ZNF569: variants seen among roughly 807,000 people sequenced by gnomAD.
ZNF569 encodes the protein zinc finger protein 569.
In ZNF569, 38 loss-of-function variants were observed where a neutral mutation model predicts 56.3. The observed-to-expected ratio is 0.68, with a 90% CI of 0.52 to 0.88. The LOEUF is 0.88. Among genes scored for constraint, ZNF569 ranks in the 40% least tolerant of loss-of-function variants. The probability of loss-of-function intolerance (pLI) is 0.00; values close to 1 mark genes in which losing one functional copy is unlikely to be tolerated. For synonymous variants in ZNF569, 241 were observed against 262.9 expected, an observed-to-expected ratio of 0.92 and a Z score of 0.81; for missense variants, 666 against 809.2, an observed-to-expected ratio of 0.82 and a Z score of 2.15.
Position 37,444,952 on chromosome 19 carries a change from T to C in ZNF569, c.-31A>G. On this transcript the variant is annotated 5_prime_UTR_variant, in exon 3 of 6. Transcript: ENST00000316950. ...CTTCTTTCTGGGAAGGGATGGGGCC[T>C]GCAGAAGTAGAGCTGGGGAAGAGAA... 6.2e-7 allele frequency: 1 copy of C among 1,604,494 alleles called. No homozygotes were observed. The highest frequency in any genetic ancestry group is 8.5e-7 in the Non-Finnish European group (1 of 1,176,414).
chr19:37,453,642 G>A, intron 2 of ZNF569, among the ~76,000 whole-genome samples: 1 of 151,914 alleles, frequency 6.6e-6, no homozygotes, highest in Non-Finnish European at 1.5e-5. Context: ...TTTATTTTTA[G>A]TTTCCAGCAG....
At chr19:37,457,911 G>A (rs1039538221) in intron 2 of ZNF569, among the ~76,000 whole-genome samples, 3 of 151,828 alleles carry the variant, frequency 2.0e-5, no homozygotes, top group African/African-American at 7.3e-5. Flanking sequence ...ACAGAGTCTC[G>A]CTCTGTTGCC....
chr19:37,468,068 C>T (rs1176801865), upstream of ZNF569: 5 of 655,256 alleles, frequency 7.6e-6, no homozygotes, highest in East Asian at 6.1e-5. Flanking sequence ...CTATGCCTTT[C>T]GTGTTTTTTT....
chr19:37,426,168 AG>A (rs2041128487), intron 4 of ZNF569, 83 bp downstream of exon 4: 1 of 1,462,630 alleles, frequency 6.8e-7, no homozygotes, highest in Non-Finnish European at 9.2e-7. Context: ...AATATTTAAA[AG>A]GTCCATGTAT....
chr19:37,434,959 C>G (rs764288660), intron 3 of ZNF569, among the ~76,000 whole-genome samples: 1 of 152,126 alleles, frequency 6.6e-6, no homozygotes, highest in African/African-American at 2.4e-5. Flanking sequence ...AAATAAACAG[C>G]CTTGCTGCTC....
Position 37,457,470 on chromosome 19 carries a change from T to A in ZNF569, c.-44+7843A>T, listed in dbSNP as rs185279090. 2.0e-5 allele frequency among the ~76,000 whole-genome samples: 3 copies of A among 152,244 alleles called. No individual in the cohort carries two copies. The East Asian group carries it at 5.8e-4, about 29-fold the overall frequency. On this transcript the variant is annotated intron_variant, in intron 2 of 5. Coordinates refer to ENST00000316950, the MANE Select transcript of ZNF569 (RefSeq NM_152484.3). ...GAATGTGGAATTGGTATATAATGTT[T>A]AAGAATAAACAAAATAACCATGGAA...
At chr19:37,445,927 C>T (rs1223961296) in intron 2 of ZNF569, among the ~76,000 whole-genome samples, 1 of 147,348 alleles carries the variant, frequency 6.8e-6, no homozygotes, top group African/African-American at 2.6e-5. Context: ...CATCATTCTA[C>T]ACAGAACTAG....
chr19:37,441,559 C>CT (rs1363846537), intron 3 of ZNF569, among the ~76,000 whole-genome samples: 3 of 151,904 alleles, frequency 2.0e-5, no homozygotes, highest in Non-Finnish European at 4.4e-5. Context: ...ACTTGGGTAG[C>CT]TGAAGGCGGG....
chr19:37,443,799 G>C (rs1403638235), intron 3 of ZNF569, among the ~76,000 whole-genome samples: 1 of 150,746 alleles, frequency 6.6e-6, no homozygotes, highest in Non-Finnish European at 1.5e-5. Flanking sequence ...TTGAGGTCAA[G>C]AGCTTGAGAC....
At position 37,414,347 on chromosome 19, in the gene ZNF569, T is replaced by C. The variant is rs201465276; in HGVS notation, c.311A>G (p.Gln104Arg). The change falls in exon 6 of 6, where the codon CAG becomes CGG. Residue 104 changes from glutamine (Q) to arginine (R), a missense_variant. Gln to Arg is a conservative substitution (Grantham distance 43). Transcript: ENST00000316950. ...RLLRQVEVKF[Q>R]KTLTEEKGNE... ...GCCTTTTTCTTCAGTCAGTGTTTTCTGGAATTTAACTTCAACTTGTCTCAA... is the reference window on the plus strand; with the variant it reads ...GCCTTTTTCTTCAGTCAGTGTTTTCCGGAATTTAACTTCAACTTGTCTCAA... The C allele has an allele frequency of 6.2e-7, 1 of 1,612,758 alleles. No homozygotes were observed. The highest frequency in any genetic ancestry group is 1.7e-5 in the Admixed American group (1 of 59,802).
At chr19:37,437,522 A>T (rs1192942729) in intron 3 of ZNF569, among the ~76,000 whole-genome samples, 1 of 152,182 alleles carries the variant, frequency 6.6e-6, no homozygotes, top group Non-Finnish European at 1.5e-5. Context: ...CATCCAAATT[A>T]AAAAAGAAGT....
At chr19:37,443,022 G>A (rs1476377050) in intron 3 of ZNF569, among the ~76,000 whole-genome samples, 3 of 152,184 alleles carry the variant, frequency 2.0e-5, no homozygotes, top group Admixed American at 6.5e-5. Flanking sequence ...GAGTGTGCCT[G>A]AGGAAGAAAC....
At chr19:37,467,874 C>T (rs2146993058), upstream of ZNF569, 1 of 1,536,052 alleles carries the variant, frequency 6.5e-7, no homozygotes, top group South Asian at 1.2e-5. Flanking sequence ...TCTGACCTTG[C>T]AGTTTTGTCA....
intron 2 of ZNF569, among the ~76,000 whole-genome samples, chr19:37,445,248 A>C (rs553873749): frequency 6.6e-6 from 1 of 152,290 alleles, no homozygotes; most frequent in South Asian, 2.1e-4. Context: ...AAAATTATGA[A>C]ACTGACAAAA....
intron 2 of ZNF569, among the ~76,000 whole-genome samples, chr19:37,451,626 A>G (rs1185298150): frequency 6.6e-6 from 1 of 152,044 alleles, no homozygotes; most frequent in African/African-American, 2.4e-5. Context: ...TGTTGGGTGC[A>G]TATATATTTA....
chr19:37,450,100 A>T (rs2041567949), intron 2 of ZNF569, among the ~76,000 whole-genome samples: 1 of 152,204 alleles, frequency 6.6e-6, no homozygotes, highest in Non-Finnish European at 1.5e-5. Flanking sequence ...TGTGCTCACC[A>T]GGAATACTGC....
intron 3 of ZNF569, among the ~76,000 whole-genome samples, chr19:37,432,648 A>G (rs1018162819): frequency 1.3e-5 from 2 of 152,230 alleles, no homozygotes; most frequent in East Asian, 1.9e-4. Context: ...CATTAAGACC[A>G]TCTAGGAAAA....
At chr19:37,425,318 A>ATTTT (rs770808954) in intron 5 of ZNF569, among the ~76,000 whole-genome samples, 3 of 104,140 alleles carry the variant, frequency 2.9e-5, no homozygotes, top group Non-Finnish European at 3.7e-5. Flanking sequence ...CACGTGGCTA[A>ATTTT]TTTTTTTTTT....
intron 3 of ZNF569, among the ~76,000 whole-genome samples, chr19:37,431,802 G>C (rs2041229601): frequency 6.6e-6 from 1 of 152,052 alleles, no homozygotes; most frequent in African/African-American, 2.4e-5. Flanking sequence ...GGAGCTTGCT[G>C]CCTGAAGGGA....
Sources: allele counts gnomAD v4.1 joint callset (sites outside exome capture counted in the v4.1 genomes callset), GRCh38; gene constraint gnomAD v4.1.1; transcripts MANE v1.5; gene names NCBI Gene and HGNC (gene_info 2026-07-23, HGNC 2026-07-21).